PCSK6: variants seen among roughly 807,000 people sequenced by gnomAD.
The protein encoded by PCSK6 is paired basic amino acid cleaving enzyme 4.
A neutral mutation model predicts 123.3 loss-of-function variants in PCSK6; 85 were observed. The ratio of observed to expected loss-of-function variants is 0.69; its 90% CI spans 0.58 to 0.83. PCSK6 has a LOEUF of 0.83. Among genes scored for constraint, PCSK6 ranks in the 40% least tolerant of loss-of-function variants. The pLI is 0.00. For missense variants in PCSK6, 1,191 were observed against 1,282.3 expected, an observed-to-expected ratio of 0.93 and a Z score of 1.09; for synonymous variants, 508 against 516.0, an observed-to-expected ratio of 0.98 and a Z score of 0.21.
At chr15:101,384,523 A>G (rs371367386) in intron 9 of PCSK6, 98 bp from the exon 10 acceptor site, 1 of 872,286 alleles carries the variant, frequency 1.1e-6, no homozygotes, top group South Asian at 1.7e-5. Context: ...CCCACGTCTG[A>G]ACTTCAGCAA....
chr15:101,326,050 C>T (rs1567143632), intron 16 of PCSK6, among the ~76,000 whole-genome samples: 1 of 152,252 alleles, frequency 6.6e-6, no homozygotes, highest in Non-Finnish European at 1.5e-5. Context: ...GGCCTTGAAT[C>T]GCATCCGTCT....
rs1201540687 is a variant in PCSK6, at chr15:101,489,499, G to T, written c.172C>A (p.Pro58Thr). The T allele has an allele frequency of 9.5e-7, 1 of 1,054,936 alleles. No individual in the cohort carries two copies. The highest frequency in any genetic ancestry group is 1.1e-6 in the Non-Finnish European group (1 of 876,722). The allele number at this position is 1,054,936 out of a possible 1,614,324, so 65.3% of individuals were successfully genotyped here. ...GGCGGGGGCGCGGAGCAGGCGGCAG[G>T]CAGCGCCAGCAGCAGCAGCCAGCGC... ...PWRWLLLLAL[P>T]AACSAPPPRP... The change falls in exon 1 of 22, where the codon CCT becomes ACT. Residue 58 changes from proline to threonine, a missense_variant. Pro to Thr is a conservative substitution (Grantham distance 38). Transcript: ENST00000611716.
At chr15:101,347,822 A>ATT in intron 13 of PCSK6, 1 of 1,524,390 alleles carries the variant, frequency 6.6e-7, no homozygotes, top group Non-Finnish European at 9.1e-7. Context: ...CTGAAGCTTT[A>ATT]TTGGGAGGTG....
At chr15:101,350,281 C>T (rs1358204631) in intron 13 of PCSK6, among the ~76,000 whole-genome samples, 2 of 152,070 alleles carry the variant, frequency 1.3e-5, no homozygotes, top group African/African-American at 2.4e-5. Context: ...GTTTTCTTTA[C>T]GAATTGCTTT....
At chr15:101,320,861 C>T (rs2040103866) in intron 18 of PCSK6, among the ~76,000 whole-genome samples, 1 of 152,206 alleles carries the variant, frequency 6.6e-6, no homozygotes, top group Non-Finnish European at 1.5e-5. Context: ...AGTTTGCACG[C>T]CTCTCTGAAA....
At chr15:101,435,240 C>T (rs2056564012) in intron 2 of PCSK6, among the ~76,000 whole-genome samples, 1 of 151,918 alleles carries the variant, frequency 6.6e-6, no homozygotes, top group Non-Finnish European at 1.5e-5. Context: ...GGAAGCAACC[C>T]TCACAGGTTG....
rs774697321 is a variant in PCSK6, at chr15:101,313,282, C to T, written c.2699+94G>A. ...CAGTGGGGTGATGCAACATGCCCTCCCCGGCCCCTGGGGAAGATGCTGCCA... is the reference window on the plus strand; with the variant it reads ...CAGTGGGGTGATGCAACATGCCCTCTCCGGCCCCTGGGGAAGATGCTGCCA... On this transcript the variant is annotated intron_variant, in intron 20 of 21. Transcript: ENST00000611716. 7 of 1,601,238 alleles carry T rather than the reference C, an allele frequency of 4.4e-6. No individual in the cohort carries two copies. The Admixed American group carries it at 1.2e-4, about 28-fold the overall frequency.
intron 18 of PCSK6, among the ~76,000 whole-genome samples, chr15:101,319,314 T>G (rs1379506750): frequency 6.6e-6 from 1 of 152,216 alleles, no homozygotes; most frequent in African/African-American, 2.4e-5. Flanking sequence ...TTTGCCATAC[T>G]GAGCAAGGGC....
intron 6 of PCSK6, among the ~76,000 whole-genome samples, chr15:101,401,920 T>C (rs2042599181): frequency 6.6e-6 from 1 of 151,960 alleles, no homozygotes; most frequent in Non-Finnish European, 1.5e-5. Context: ...AAAAAACTAC[T>C]TTAAAGTTCA....
intron 1 of PCSK6, among the ~76,000 whole-genome samples, chr15:101,443,982 G>A (rs371574130): frequency 6.6e-6 from 1 of 152,170 alleles, no homozygotes; most frequent in African/African-American, 2.4e-5. Context: ...ATGAATGTTC[G>A]TTTAGGGCCA....
At chr15:101,422,925 A>G (rs983208138) in intron 6 of PCSK6, among the ~76,000 whole-genome samples, 2 of 152,126 alleles carry the variant, frequency 1.3e-5, no homozygotes, top group African/African-American at 4.8e-5. Context: ...CTGGCCAAGA[A>G]AGAAACTTAA....
chr15:101,487,106 G>C (rs534209136), intron 1 of PCSK6, among the ~76,000 whole-genome samples: 1 of 152,364 alleles, frequency 6.6e-6, no homozygotes, highest in East Asian at 1.9e-4. Context: ...AGTGGGTAGA[G>C]GCTCAAATGC....
At chr15:101,480,977 C>A (rs187670140) in intron 1 of PCSK6, among the ~76,000 whole-genome samples, 3 of 152,340 alleles carry the variant, frequency 2.0e-5, no homozygotes, top group Admixed American at 2.0e-4. Context: ...TCTCTTAAGA[C>A]TCTTGCAAGG....
rs140982983 is a variant in PCSK6, at chr15:101,408,882, C to T, written c.824-10306G>A. On this transcript the variant is annotated intron_variant, in intron 6 of 21. Transcript: ENST00000611716. ...TTAGCTGTTATGTACTTAACATTTT[C>T]GTGTTTATGAAAGGAAAAACATGAT... Among the ~76,000 whole-genome samples the T allele has an allele frequency of 7.0e-4, 106 of 152,264 alleles. 1 individual carries two copies. Among genetic ancestry groups the T allele is most frequent in the African/African-American group, 2.5e-3 (102 of 41,552 alleles).
intron 15 of PCSK6, among the ~76,000 whole-genome samples, chr15:101,327,787 G>T (rs1035349037): frequency 6.6e-6 from 1 of 152,086 alleles, no homozygotes; most frequent in East Asian, 1.9e-4. Flanking sequence ...TTCCCTCCCC[G>T]AAGGCTCTCT....
At chr15:101,380,755 T>C (rs556068668) in intron 11 of PCSK6, among the ~76,000 whole-genome samples, 1 of 152,310 alleles carries the variant, frequency 6.6e-6, no homozygotes, top group Non-Finnish European at 1.5e-5. Context: ...TCTCAACTAT[T>C]TGTGGCAAGA....
intron 18 of PCSK6, among the ~76,000 whole-genome samples, chr15:101,320,390 CT>C (rs1463363096): frequency 6.6e-6 from 1 of 152,154 alleles, no homozygotes; most frequent in Non-Finnish European, 1.5e-5. Context: ...TCAGCCTGAG[CT>C]ATATATTTAT....
intron 13 of PCSK6, among the ~76,000 whole-genome samples, chr15:101,358,407 T>TGCTCCACTGAACTTGGGGC (rs369581891): frequency 8.3e-4 from 126 of 152,358 alleles, no homozygotes; most frequent in African/African-American, 3.0e-3. Flanking sequence ...AATCCCTGTT[T>TGCTCCACTGAACTTGGGGC]GCTCCACTGA....
At chr15:101,427,297 A>G (rs2056291882) in intron 6 of PCSK6, among the ~76,000 whole-genome samples, 1 of 152,134 alleles carries the variant, frequency 6.6e-6, no homozygotes, top group African/African-American at 2.4e-5. Flanking sequence ...GGAGCACTTC[A>G]CAGAACAGAG....
Sources: allele counts gnomAD v4.1 joint callset (sites outside exome capture counted in the v4.1 genomes callset), GRCh38; gene constraint gnomAD v4.1.1; transcripts MANE v1.5; gene names NCBI Gene and HGNC (gene_info 2026-07-23, HGNC 2026-07-21).